The following TBC1D5 variants were observed in gnomAD, a reference collection of about 807,000 sequenced individuals.
TBC1D5 encodes the protein TBC1 domain family member 5, also known as TBC1 domain family, member 5.
A neutral mutation model predicts 100.3 loss-of-function variants in TBC1D5; 75 were observed. The observed-to-expected ratio is 0.75, with a 90% confidence interval of 0.62 to 0.91. The LOEUF (loss-of-function observed/expected upper bound fraction) is 0.91. Among genes scored for constraint, TBC1D5 ranks in the 40% least tolerant of loss-of-function variants. TBC1D5 has a pLI of 0.00. For missense variants in TBC1D5, 910 were observed against 942.4 expected (o/e 0.97, Z 0.45); for synonymous variants, 323 against 325.6 (o/e 0.99, Z 0.09).
intron 1 of TBC1D5, among the ~76,000 whole-genome samples, chr3:17,626,152 T>C (rs536876088): frequency 6.6e-6 from 1 of 152,230 alleles, no homozygotes; most frequent in South Asian, 2.1e-4. Context: ...TAAGAAAAAT[T>C]ATAAATACCA....
intron 13 of TBC1D5, chr3:17,333,371 C>T (rs975477575): frequency 2.0e-5 from 3 of 152,326 alleles, no homozygotes; most frequent in Admixed American, 2.0e-4. Flanking sequence ...TCAGCAGCAT[C>T]ATGAGAACAA....
At chr3:17,383,763 C>T in intron 9 of TBC1D5, 150 bp downstream of exon 9, 2 of 504,412 alleles carry the variant, frequency 4.0e-6, no homozygotes, top group South Asian at 8.8e-5. Flanking sequence ...TTACCTTTCT[C>T]ACCATGCAGC....
At chr3:17,673,311 C>CTTTTTTTTT (rs374496313) in intron 1 of TBC1D5, among the ~76,000 whole-genome samples, 4 of 125,982 alleles carry the variant, frequency 3.2e-5, no homozygotes, top group Non-Finnish European at 4.9e-5. Context: ...CTTTTCTTTT[C>CTTTTTTTTT]TTTTTTTTTT....
chr3:17,435,573 T>C (rs775439374), intron 3 of TBC1D5, among the ~76,000 whole-genome samples: 13 of 152,286 alleles, frequency 8.5e-5, no homozygotes, highest in Non-Finnish European at 1.3e-4. Flanking sequence ...AACAGCAGCA[T>C]GGGGGTAACT....
intron 2 of TBC1D5, chr3:17,546,873 T>C (rs1266456391): frequency 6.6e-6 from 1 of 152,076 alleles, no homozygotes; most frequent in Non-Finnish European, 1.5e-5. Context: ...AAATTTCACA[T>C]CTTCAAACAT....
At chr3:17,196,973 C>T (rs1245016376) in intron 18 of TBC1D5, among the ~76,000 whole-genome samples, 1 of 152,202 alleles carries the variant, frequency 6.6e-6, no homozygotes, top group Non-Finnish European at 1.5e-5. Context: ...ATGCAGAAAA[C>T]TCCACATAGA....
intron 1 of TBC1D5, among the ~76,000 whole-genome samples, chr3:17,700,554 A>G (rs1217207991): frequency 5.9e-5 from 9 of 152,178 alleles, no homozygotes; most frequent in East Asian, 1.9e-4. Flanking sequence ...CCTACAGAAT[A>G]GGAGAAAATT....
rs559000938 is a variant in TBC1D5 at position 17,485,949 on chromosome 3, G to A, written c.97+22525C>T. The stretch of plus-strand genomic sequence containing the variant: ...TCCACAAGGGTTGAACTAGTTTACC[G>A]TCCCACCAACAGTGTAAAAGTGTTC... On this transcript the variant is annotated intron_variant, in intron 3 of 21. Transcript: ENST00000253692. Among the ~76,000 whole-genome samples the A allele has an allele frequency of 3.5e-3, 529 of 152,122 alleles. 4 individuals are homozygous for A. Among genetic ancestry groups the A allele is most frequent in the Non-Finnish European group, 6.0e-3 (411 of 68,016 alleles).
intron 1 of TBC1D5, among the ~76,000 whole-genome samples, chr3:17,637,006 A>G (rs2064005587): frequency 6.6e-6 from 1 of 151,306 alleles, no homozygotes. Context: ...ATTTAAACCT[A>G]AGAAATAAAA....
chr3:17,183,510 C>T (rs996915101), intron 19 of TBC1D5, among the ~76,000 whole-genome samples: 6 of 152,134 alleles, frequency 3.9e-5, no homozygotes, highest in Non-Finnish European at 7.4e-5. Flanking sequence ...AGAGGTGGAT[C>T]AAATGTGACA....
intron 21 of TBC1D5, among the ~76,000 whole-genome samples, 173 bp downstream of exon 22, chr3:17,166,594 C>T (rs560781212): frequency 2.6e-5 from 4 of 152,356 alleles, no homozygotes; most frequent in African/African-American, 7.2e-5. Context: ...GTGAATGGCA[C>T]CCCCTGCAGC....
intron 13 of TBC1D5, among the ~76,000 whole-genome samples, chr3:17,339,916 T>C (rs562810765): frequency 4.4e-4 from 67 of 152,324 alleles, no homozygotes; most frequent in Non-Finnish European, 7.8e-4. Flanking sequence ...AGTTTACATT[T>C]TGAAATGGAA....
At chr3:17,613,572 G>T (rs755350379) in intron 2 of TBC1D5, among the ~76,000 whole-genome samples, 1 of 152,080 alleles carries the variant, frequency 6.6e-6, no homozygotes, top group African/African-American at 2.4e-5. Context: ...TTTAATGATC[G>T]CCATTCTAAC....
intron 2 of TBC1D5, among the ~76,000 whole-genome samples, chr3:17,577,619 A>G (rs376779219): frequency 1.3e-5 from 2 of 151,980 alleles, no homozygotes; most frequent in African/African-American, 4.8e-5. Context: ...AGGAATAGGT[A>G]GGTAAGTATC....
At chr3:17,642,138 T>G (rs1055921136) in intron 1 of TBC1D5, among the ~76,000 whole-genome samples, 6 of 152,118 alleles carry the variant, frequency 3.9e-5, no homozygotes, top group African/African-American at 1.2e-4. Context: ...TTTTATACTT[T>G]TATTTTTCTA....
chr3:17,709,210 G>C (rs2074466206), intron 1 of TBC1D5, among the ~76,000 whole-genome samples: 1 of 152,168 alleles, frequency 6.6e-6, no homozygotes, highest in South Asian at 2.1e-4. Flanking sequence ...TCTTTCGAAA[G>C]AGATCATGAC....
At chr3:17,404,232 C>G (rs1455483140) in intron 7 of TBC1D5, among the ~76,000 whole-genome samples, 2 of 151,972 alleles carry the variant, frequency 1.3e-5, no homozygotes, top group Non-Finnish European at 2.9e-5. Context: ...TAATCCTTGT[C>G]TTCACTGGAA....
chr3:17,693,458 AC>A (rs1218982831), intron 1 of TBC1D5, among the ~76,000 whole-genome samples: 2 of 152,128 alleles, frequency 1.3e-5, no homozygotes, highest in Non-Finnish European at 2.9e-5. Flanking sequence ...TGGTTCCCAC[AC>A]CCACGGAGCC....
In TBC1D5 at chr3:17,413,971, T is replaced by C. The variant is rs529845602; in HGVS notation, c.168-7445A>G. Among the ~76,000 whole-genome samples the C allele has an allele frequency of 1.2e-4, 19 of 152,310 alleles. 1 individual carries two copies. In the South Asian group the frequency reaches 3.9e-3, roughly 32 times the overall value. On this transcript the variant is annotated intron_variant, in intron 4 of 21. Coordinates refer to ENST00000253692, the Ensembl canonical transcript of TBC1D5. Reference sequence around the variant, plus strand: ...ATTGCTGAGTGGTTAAGAGAAGGGATTCTCACCTTGGGGAAAGCCAAAAGT... The same window carrying C: ...ATTGCTGAGTGGTTAAGAGAAGGGACTCTCACCTTGGGGAAAGCCAAAAGT...
Sources: gnomAD v4.1 joint callset for allele counts (sites outside exome capture counted in the v4.1 genomes callset) on GRCh38, gnomAD v4.1.1 for gene constraint, MANE v1.5 for transcripts, NCBI Gene and HGNC (gene_info 2026-07-23, HGNC 2026-07-21) for gene names.